The following FSTL5 variants were observed in gnomAD, a reference collection of about 807,000 sequenced individuals.
The protein encoded by FSTL5 is follistatin like 5, also known as follistatin-related protein 5.
In FSTL5, 62 loss-of-function variants were observed where a neutral mutation model predicts 89.1. The ratio of observed to expected loss-of-function variants is 0.70; its 90% CI spans 0.57 to 0.86. The LOEUF (loss-of-function observed/expected upper bound fraction) is 0.86, where lower values mean the gene tolerates loss of function less well. FSTL5 is among the 40% of genes least tolerant of loss of function. The pLI, the probability that FSTL5 is intolerant of heterozygous loss-of-function variation, is 0.00. For synonymous variants in FSTL5, 383 were observed against 346.2 expected (o/e 1.11, Z -1.18); for missense variants, 1,057 against 1,001.6 (o/e 1.06, Z -0.75).
chr4:162,131,172 T>C (rs531681036), intron 1 of FSTL5, among the ~76,000 whole-genome samples: 1 of 152,228 alleles, frequency 6.6e-6, no homozygotes, highest in South Asian at 2.1e-4. Context: ...AAAGCAAAAA[T>C]ACTTTACTAA....
At chr4:161,916,023 A>G (rs868132373) in intron 4 of FSTL5, among the ~76,000 whole-genome samples, 2 of 152,076 alleles carry the variant, frequency 1.3e-5, no homozygotes, top group South Asian at 4.1e-4. Context: ...AAAAAGAAAG[A>G]AGAAAAGAAA....
In FSTL5 at chr4:161,693,991, T is replaced by G. The variant is rs1483225754; in HGVS notation, c.728-37497A>C. ...GGTTTGGTGGTAATATCTCCATTTT[T>G]ATTTATTTTAGTTATTTGCTTCTTT... is the stretch of plus-strand genomic sequence containing the variant. On this transcript the variant is annotated intron_variant, in intron 6 of 15. Transcript: ENST00000306100. 2.6e-5 allele frequency among the ~76,000 whole-genome samples: 4 copies of G among 152,250 alleles called. No homozygotes were observed. In the East Asian group the frequency reaches 7.7e-4, roughly 29 times the overall value.
chr4:161,801,723 C>CATA (rs536030368), intron 4 of FSTL5, among the ~76,000 whole-genome samples: 88 of 150,384 alleles, frequency 5.9e-4, no homozygotes, highest in South Asian at 1.5e-3. Flanking sequence ...AGCTAATACA[C>CATA]ATAATAATAA....
intron 1 of FSTL5, among the ~76,000 whole-genome samples, chr4:162,153,727 T>C (rs1470124447): frequency 1.8e-5 from 1 of 55,342 alleles, no homozygotes; most frequent in African/African-American, 4.8e-5. Flanking sequence ...TAATAATATA[T>C]GTATATATGT....
rs576318241 is a variant in FSTL5 at position 161,943,164 on chromosome 4, T to TA, written c.161-22513dup. On this transcript the variant is annotated intron_variant, in intron 3 of 15. Coordinates refer to ENST00000306100, the MANE Select transcript of FSTL5 (RefSeq NM_020116.5). ...GTACATTGAAAATTATAACACTGTATAAAAAAATCAAATTACCTATCAAAA... is the reference window on the plus strand; with the variant it reads ...GTACATTGAAAATTATAACACTGTATAAAAAAAATCAAATTACCTATCAAAA... Among the ~76,000 whole-genome samples, 827 of 152,084 alleles carry TA rather than the reference T, an allele frequency of 5.4e-3. 10 individuals carry two copies. Among genetic ancestry groups the TA allele is most frequent in the African/African-American group, 0.019 (788 of 41,510 alleles).
chr4:161,488,276 A>T (rs1032152975), intron 12 of FSTL5, among the ~76,000 whole-genome samples: 4 of 152,122 alleles, frequency 2.6e-5, no homozygotes, highest in Admixed American at 6.6e-5. Flanking sequence ...TAGTCAGAAC[A>T]TAGGTAGTCA....
intron 4 of FSTL5, among the ~76,000 whole-genome samples, chr4:161,777,194 A>G (rs1321160071): frequency 6.6e-6 from 1 of 151,342 alleles, no homozygotes; most frequent in Non-Finnish European, 1.5e-5. Context: ...CATGTTGTTG[A>G]AAATACCAGT....
chr4:161,813,176 G>A (rs982182254), intron 4 of FSTL5, among the ~76,000 whole-genome samples: 5 of 152,020 alleles, frequency 3.3e-5, no homozygotes, highest in Non-Finnish European at 7.4e-5. Context: ...ACAGGCGCGT[G>A]CTACCACACG....
chr4:161,667,137 A>T (rs796325951), intron 6 of FSTL5, among the ~76,000 whole-genome samples: 1 of 152,068 alleles, frequency 6.6e-6, no homozygotes, highest in African/African-American at 2.4e-5. Context: ...TGACTTTGAC[A>T]TTCTTTTAGT....
intron 4 of FSTL5, among the ~76,000 whole-genome samples, chr4:161,896,842 A>G (rs1183070476): frequency 6.6e-6 from 1 of 152,186 alleles, no homozygotes; most frequent in Non-Finnish European, 1.5e-5. Flanking sequence ...GAAAGCATAG[A>G]TAAATAAATC....
intron 4 of FSTL5, among the ~76,000 whole-genome samples, chr4:161,849,243 A>G (rs941981917): frequency 1.8e-4 from 28 of 152,304 alleles, no homozygotes; most frequent in Middle Eastern, 3.4e-3. Flanking sequence ...AGAAGCACCA[A>G]TAACCACCAA....
chr4:161,564,255 A>G (rs2126575363), intron 8 of FSTL5, among the ~76,000 whole-genome samples: 1 of 151,194 alleles, frequency 6.6e-6, no homozygotes, highest in African/African-American at 2.4e-5. Context: ...ACATGCAAGT[A>G]CACACACAAA....
chr4:161,521,340 G>C (rs1325392370), intron 10 of FSTL5, among the ~76,000 whole-genome samples: 2 of 150,634 alleles, frequency 1.3e-5, no homozygotes, highest in Non-Finnish European at 3.0e-5. Flanking sequence ...TTTTTTTCCT[G>C]TAATTACTCA....
At chr4:161,801,661 ATATTT>A (rs1729797347) in intron 4 of FSTL5, among the ~76,000 whole-genome samples, 2 of 151,106 alleles carry the variant, frequency 1.3e-5, no homozygotes, top group Admixed American at 1.3e-4. Flanking sequence ...CTGTAGGTGA[ATATTT>A]TATTTTATTT....
chr4:161,856,662 G>GTGTATATATATATA (rs1553971994), intron 4 of FSTL5, among the ~76,000 whole-genome samples: 14 of 147,818 alleles, frequency 9.5e-5, no homozygotes, highest in African/African-American at 3.2e-4. Context: ...GTGTGTGTGT[G>GTGTATATATATATA]TATATATATA....
chr4:161,422,088 A>T (rs1732010642), intron 15 of FSTL5, among the ~76,000 whole-genome samples: 1 of 149,842 alleles, frequency 6.7e-6, no homozygotes, highest in African/African-American at 2.4e-5. Context: ...GAATATATGA[A>T]GAGATTTATT....
At chr4:161,886,536 A>C (rs150643816) in intron 4 of FSTL5, among the ~76,000 whole-genome samples, 75 of 152,346 alleles carry the variant, frequency 4.9e-4, no homozygotes, top group Non-Finnish European at 7.3e-4. Flanking sequence ...AATAAATAAA[A>C]GGCATTAGAT....
At chr4:161,998,884 ACACACACAC>A (rs1736381048) in intron 3 of FSTL5, among the ~76,000 whole-genome samples, 1 of 151,168 alleles carries the variant, frequency 6.6e-6, no homozygotes, top group Non-Finnish European at 1.5e-5. Context: ...ACACACACAC[ACACACACAC>A]GAGTCAGGTT....
intron 4 of FSTL5, among the ~76,000 whole-genome samples, chr4:161,813,354 C>A (rs866183331): frequency 6.6e-6 from 1 of 151,946 alleles, no homozygotes; most frequent in Non-Finnish European, 1.5e-5. Context: ...ATCACACAGG[C>A]CAACTCTATT....
Sources: gnomAD v4.1 joint callset for allele counts (sites outside exome capture counted in the v4.1 genomes callset) on GRCh38, gnomAD v4.1.1 for gene constraint, MANE v1.5 for transcripts, NCBI Gene and HGNC (gene_info 2026-07-23, HGNC 2026-07-21) for gene names.